EFCAB6: variants seen among roughly 807,000 people sequenced by gnomAD.
The protein encoded by EFCAB6 is EF-hand calcium binding domain 6.
EFCAB6 carries 156 observed loss-of-function variants against 169.8 expected under a neutral mutation model. That is an observed-to-expected ratio of 0.92 (90% confidence interval 0.81 to 1.05). The LOEUF is 1.05. EFCAB6 is among the 50% of genes least tolerant of loss of function. EFCAB6 has a pLI of 0.00. For missense variants in EFCAB6, 1,800 were observed against 1,829.1 expected (o/e 0.98, Z 0.29); for synonymous variants, 698 against 676.4 (o/e 1.03, Z -0.50).
At chr22:43,753,621 G>A (rs1332863004) in intron 6 of EFCAB6, among the ~76,000 whole-genome samples, 1 of 152,206 alleles carries the variant, frequency 6.6e-6, no homozygotes, top group Non-Finnish European at 1.5e-5. Flanking sequence ...ATAAGAGCAT[G>A]AACATGAGCG....
chr22:43,534,309 C>T (rs1328382010), intron 30 of EFCAB6, among the ~76,000 whole-genome samples: 1 of 152,190 alleles, frequency 6.6e-6, no homozygotes, highest in Non-Finnish European at 1.5e-5. Context: ...GTGCTTGCCT[C>T]CCCCTTCACC....
intron 10 of EFCAB6, among the ~76,000 whole-genome samples, chr22:43,692,391 A>T (rs1320803492): frequency 3.9e-5 from 6 of 152,234 alleles, no homozygotes; most frequent in African/African-American, 1.4e-4. Context: ...AACTCATACT[A>T]AAGAGAAGTG....
chr22:43,644,077 G>A (rs903773712), intron 17 of EFCAB6, among the ~76,000 whole-genome samples: 1 of 152,074 alleles, frequency 6.6e-6, no homozygotes, highest in Non-Finnish European at 1.5e-5. Flanking sequence ...ACCTGCCTCG[G>A]CCTCCCAAAT....
intron 12 of EFCAB6, among the ~76,000 whole-genome samples, chr22:43,678,777 G>A (rs934152767): frequency 2.6e-5 from 4 of 152,134 alleles, no homozygotes; most frequent in African/African-American, 7.2e-5. Flanking sequence ...CACCAAAATT[G>A]AGAGATACTG....
intron 4 of EFCAB6, 127 bp downstream of exon 4, chr22:43,772,765 T>C (rs2061514607): frequency 1.0e-6 from 1 of 986,122 alleles, no homozygotes; most frequent in Non-Finnish European, 1.5e-6. Context: ...AACTGAATTA[T>C]GAAAAACAAA....
chr22:43,622,876 A>G (rs1276261744), intron 20 of EFCAB6, among the ~76,000 whole-genome samples: 1 of 152,236 alleles, frequency 6.6e-6, no homozygotes, highest in Non-Finnish European at 1.5e-5. Flanking sequence ...AAAGTTCTAC[A>G]GTATTTCTCA....
At chr22:43,675,458 G>GATAT (rs1556032228) in intron 13 of EFCAB6, among the ~76,000 whole-genome samples, 2 of 128,410 alleles carry the variant, frequency 1.6e-5, no homozygotes, top group African/African-American at 3.0e-5. Context: ...TATAATATAT[G>GATAT]ATATAATATA....
At chr22:43,548,934 T>C (rs1372507558) in intron 27 of EFCAB6, among the ~76,000 whole-genome samples, 1 of 152,216 alleles carries the variant, frequency 6.6e-6, no homozygotes, top group Non-Finnish European at 1.5e-5. Flanking sequence ...ATTCAGATTA[T>C]ATTTTCTGAT....
intron 2 of EFCAB6, among the ~76,000 whole-genome samples, chr22:43,797,644 G>A (rs973121666): frequency 6.6e-6 from 1 of 151,814 alleles, no homozygotes; most frequent in Non-Finnish European, 1.5e-5. Context: ...CCCCTACTGT[G>A]GTCCCTTCTG....
chr22:43,649,856 G>A (rs2056378264), intron 17 of EFCAB6, among the ~76,000 whole-genome samples: 1 of 152,244 alleles, frequency 6.6e-6, no homozygotes, highest in Admixed American at 6.5e-5. Context: ...AGGGCAAGGG[G>A]CTCAGGACTG....
At chr22:43,675,453 TATATG>T (rs1327590285) in intron 13 of EFCAB6, among the ~76,000 whole-genome samples, 4 of 102,042 alleles carry the variant, frequency 3.9e-5, no homozygotes, top group Non-Finnish European at 7.6e-5. Flanking sequence ...TATAGTATAA[TATATG>T]ATATAATATA....
intron 31 of EFCAB6, 188 bp downstream of exon 31, chr22:43,530,627 G>C: frequency 4.1e-6 from 4 of 985,444 alleles, no homozygotes; most frequent in Non-Finnish European, 4.8e-6. Flanking sequence ...AGGAGAACCC[G>C]GGGTCTGAAG....
Position 43,678,181 on chromosome 22 carries a change from T to C in EFCAB6, c.1252-18A>G, listed in dbSNP as rs1391791887. 5.2e-6 allele frequency: 8 copies of C among 1,546,986 alleles called. No homozygotes were observed. The highest frequency in any genetic ancestry group is 1.4e-5 in the African/African-American group (1 of 68,966). ...TCGGGTTTCTGAGCATCAGAGTGTATATAAGGGAATTTTTGAAAAAAAAAA... is the reference window on the plus strand; with the variant it reads ...TCGGGTTTCTGAGCATCAGAGTGTACATAAGGGAATTTTTGAAAAAAAAAA... On this transcript the variant is annotated intron_variant, in intron 12 of 31. Transcript: ENST00000262726.
chr22:43,574,853 A>G (rs73172045), intron 26 of EFCAB6, among the ~76,000 whole-genome samples: 17,490 of 152,196 alleles, frequency 0.11, 1,345 homozygotes, highest in South Asian at 0.22. Flanking sequence ...GTAGAAGTTA[A>G]AATGTTTAAC....
chr22:43,664,222 C>T (rs1489890636), intron 17 of EFCAB6, among the ~76,000 whole-genome samples: 3 of 152,176 alleles, frequency 2.0e-5, no homozygotes, highest in Non-Finnish European at 4.4e-5. Context: ...TAGGAACCAG[C>T]TTCAAATGTG....
chr22:43,665,844 G>C (rs1301130790), intron 17 of EFCAB6, among the ~76,000 whole-genome samples: 1 of 152,194 alleles, frequency 6.6e-6, no homozygotes, highest in East Asian at 1.9e-4. Context: ...CTGGAGTGCA[G>C]TGGCACGATC....
At chr22:43,552,981 T>C (rs2048470235) in intron 27 of EFCAB6, 1 of 152,200 alleles carries the variant, frequency 6.6e-6, no homozygotes, top group South Asian at 2.1e-4. Flanking sequence ...GCATTTAATT[T>C]TGCTTAGCAA....
At chr22:43,578,335 G>C (rs2050395577) in intron 25 of EFCAB6, among the ~76,000 whole-genome samples, 2 of 152,200 alleles carry the variant, frequency 1.3e-5, no homozygotes, top group Non-Finnish European at 2.9e-5. Context: ...AGTGTGTGGA[G>C]CCAGGACTCT....
Position 43,735,188 on chromosome 22 carries a change from A to C in EFCAB6, c.644+669T>G, listed in dbSNP as rs1242390961. ...TTCTTCTAAATGATGTGGAGTTTAT[A>C]GGAGGCTCAAAAAAATGCCCGTGCA... On this transcript the variant is annotated intron_variant, in intron 7 of 31. Coordinates refer to ENST00000262726, the MANE Select transcript of EFCAB6 (RefSeq NM_022785.4). Among the ~76,000 whole-genome samples, 3 of 152,124 alleles carry C rather than the reference A, an allele frequency of 2.0e-5. No individual in the cohort carries two copies. The East Asian group carries it at 5.8e-4, about 29-fold the overall frequency.
Sources: gnomAD v4.1 joint callset for allele counts (sites outside exome capture counted in the v4.1 genomes callset) on GRCh38, gnomAD v4.1.1 for gene constraint, MANE v1.5 for transcripts, NCBI Gene and HGNC (gene_info 2026-07-23, HGNC 2026-07-21) for gene names.